CRY1: variants seen among roughly 807,000 people sequenced by gnomAD.
CRY1 encodes the protein cryptochrome-1.
Under a neutral mutation model 76.0 loss-of-function variants are expected in CRY1, and 45 were observed. The observed-to-expected ratio is 0.59, with a 90% CI of 0.47 to 0.76. The LOEUF is 0.76. Ranked by LOEUF, CRY1 falls within the 30% of genes least tolerant of loss-of-function variation. The probability of loss-of-function intolerance (pLI) is 0.00; values close to 1 mark genes in which losing one functional copy is unlikely to be tolerated. For missense variants in CRY1, 587 were observed against 716.4 expected (o/e 0.82, Z 2.06); for synonymous variants, 248 against 244.0 (o/e 1.02, Z -0.15).
chr12:107,065,631 TGTATA>T (rs1435871066), intron 1 of CRY1, among the ~76,000 whole-genome samples: 2 of 151,782 alleles, frequency 1.3e-5, no homozygotes, highest in African/African-American at 4.8e-5. Flanking sequence ...GGAATTTTGG[TGTATA>T]GAACAAAATA....
At chr12:107,080,452 AGAG>A (rs1192775414) in intron 1 of CRY1, among the ~76,000 whole-genome samples, 3 of 152,050 alleles carry the variant, frequency 2.0e-5, no homozygotes, top group Non-Finnish European at 2.9e-5. Context: ...GGACTTTATG[AGAG>A]GAGATAAGAT....
At chr12:107,085,293 C>T (rs944020156) in intron 1 of CRY1, among the ~76,000 whole-genome samples, 1 of 152,092 alleles carries the variant, frequency 6.6e-6, no homozygotes, top group South Asian at 2.1e-4. Flanking sequence ...TATCATTTGA[C>T]CCAGCAATCC....
At chr12:106,998,142 G>T in intron 7 of CRY1, 76 bp from the exon 8 acceptor site, 1 of 1,534,218 alleles carries the variant, frequency 6.5e-7, no homozygotes, top group Non-Finnish European at 8.9e-7. Flanking sequence ...TCACAGTAGA[G>T]CCAAAGTCAA....
chr12:107,078,688 T>C (rs1463631014), intron 1 of CRY1, among the ~76,000 whole-genome samples: 3 of 152,190 alleles, frequency 2.0e-5, no homozygotes, highest in Non-Finnish European at 4.4e-5. Flanking sequence ...CATGTTGATA[T>C]CTTAGCAGTG....
intron 5 of CRY1, among the ~76,000 whole-genome samples, chr12:107,000,484 C>T (rs1053757687): frequency 3.3e-5 from 5 of 151,594 alleles, no homozygotes; most frequent in African/African-American, 4.9e-5. Context: ...TGAGTAGCTG[C>T]GACTACAGGC....
Position 107,017,066 on chromosome 12 carries a change from T to C in CRY1, c.267+5018A>G, listed in dbSNP as rs1168532723. Among the ~76,000 whole-genome samples the C allele has an allele frequency of 4.6e-5, 7 of 152,236 alleles. No individual in the cohort carries two copies. In the East Asian group the frequency reaches 1.2e-3, roughly 25 times the overall value. On this transcript the variant is annotated intron_variant, in intron 2 of 12. Coordinates refer to ENST00000008527, the MANE Select transcript of CRY1 (RefSeq NM_004075.5). Reference sequence around the variant, plus strand: ...AACACTTCCAATCCCCTGTGTATTCTCCACAAACAGCCAGAGAAATTCTTG... The same window carrying C: ...AACACTTCCAATCCCCTGTGTATTCCCCACAAACAGCCAGAGAAATTCTTG...
At chr12:107,007,793 G>A (rs1012006644) in intron 2 of CRY1, among the ~76,000 whole-genome samples, 2 of 151,990 alleles carry the variant, frequency 1.3e-5, no homozygotes, top group East Asian at 3.9e-4. Flanking sequence ...GCCTCCCAAC[G>A]TGCTGGGATT....
At chr12:107,026,582 CA>C (rs972039033) in intron 1 of CRY1, among the ~76,000 whole-genome samples, 2 of 152,030 alleles carry the variant, frequency 1.3e-5, no homozygotes, top group African/African-American at 4.8e-5. Flanking sequence ...ATTTGGCAAA[CA>C]AATCTCATTA....
Position 107,088,966 on chromosome 12 carries a change from G to A in CRY1, c.158+3838C>T, listed in dbSNP as rs550965951. Among the ~76,000 whole-genome samples the A allele has an allele frequency of 5.9e-5, 9 of 152,326 alleles. No individual in the cohort carries two copies. The East Asian group carries it at 1.7e-3, about 29-fold the overall frequency. On this transcript the variant is annotated intron_variant, in intron 1 of 12. Coordinates refer to ENST00000008527, the MANE Select transcript of CRY1 (RefSeq NM_004075.5). Reference sequence around the variant, plus strand: ...TCCTCTCTCTATACATTTGCCCACTGTGGACATTCCATATAAACAGAATCA... The same window carrying A: ...TCCTCTCTCTATACATTTGCCCACTATGGACATTCCATATAAACAGAATCA...
chr12:106,992,867 G>C lies in CRY1; in HGVS notation c.1681C>G (p.Leu561Val), dbSNP rs754766857. The C allele has an allele frequency of 2.5e-6, 4 of 1,613,836 alleles. No individual in the cohort carries two copies. The East Asian group carries it at 6.7e-5, about 27-fold the overall frequency. ...KQGRSSMGTG[L>V]SGGKRPSQEE... is the part of the protein sequence containing the mutation. ...TGACTAGGACGTTTCCCACCACTGA[G>C]ACCAGTGCCCATGGAGCTTCTTCCT... is the stretch of plus-strand genomic sequence containing the variant. Residue 561 changes from leucine (L) to valine (V), a missense_variant, in exon 12 of 13, where the codon CTC (leucine) becomes GTC (valine). Physicochemically the swap from Leu to Val is conservative, Grantham distance 32 (BLOSUM62 1). Coordinates refer to ENST00000008527, the MANE Select transcript of CRY1 (RefSeq NM_004075.5).
intron 2 of CRY1, among the ~76,000 whole-genome samples, chr12:107,006,375 CAA>C (rs556688637): frequency 1.4e-5 from 2 of 142,402 alleles, no homozygotes; most frequent in African/African-American, 5.1e-5. Flanking sequence ...GGCTCCATCT[CAA>C]AAAAAAAAAA....
intron 10 of CRY1, 75 bp from the exon 11 acceptor site, chr12:106,993,111 C>T (rs1343457378): frequency 7.2e-7 from 1 of 1,392,836 alleles, no homozygotes; most frequent in East Asian, 2.3e-5. Context: ...TCTACAAATC[C>T]AACTTTTAGC....
At chr12:107,053,240 A>G (rs967311061) in intron 1 of CRY1, among the ~76,000 whole-genome samples, 62 of 152,270 alleles carry the variant, frequency 4.1e-4, no homozygotes, top group African/African-American at 1.5e-3. Context: ...ATTTTTAAAA[A>G]TGAAGTACAG....
At chr12:107,002,979 T>C (rs1268550027) in intron 3 of CRY1, among the ~76,000 whole-genome samples, 5 of 152,206 alleles carry the variant, frequency 3.3e-5, no homozygotes, top group South Asian at 4.1e-4. Flanking sequence ...AATCTTTCTT[T>C]TGTAAATTGC....
chr12:107,005,450 A>G (rs565349185), intron 2 of CRY1, among the ~76,000 whole-genome samples: 5 of 152,358 alleles, frequency 3.3e-5, no homozygotes, highest in Non-Finnish European at 4.4e-5. Context: ...TCTAGGCATT[A>G]TGCTAGGCAA....
At chr12:107,018,196 A>T (rs2136840653) in intron 2 of CRY1, among the ~76,000 whole-genome samples, 1 of 152,356 alleles carries the variant, frequency 6.6e-6, no homozygotes, top group East Asian at 1.9e-4. Flanking sequence ...TGGTGGCTTT[A>T]TATGTTCTTT....
intron 3 of CRY1, among the ~76,000 whole-genome samples, chr12:107,004,210 G>C (rs989849511): frequency 6.6e-6 from 1 of 152,144 alleles, no homozygotes; most frequent in Admixed American, 6.5e-5. Flanking sequence ...GCAAATTGGT[G>C]AGCTCGAAGG....
intron 1 of CRY1, among the ~76,000 whole-genome samples, chr12:107,076,634 A>C (rs528348578): frequency 0.016 from 2,388 of 148,324 alleles, 70 homozygotes; most frequent in African/African-American, 0.058. Flanking sequence ...AAAAAAAAAA[A>C]ACCTCTCTTT....
intron 1 of CRY1, among the ~76,000 whole-genome samples, chr12:107,025,543 G>A (rs1415791561): frequency 6.6e-6 from 1 of 152,114 alleles, no homozygotes. Flanking sequence ...TCTTAGAATA[G>A]TGCCTGCCCA....
Sources: gnomAD v4.1 joint callset for allele counts (sites outside exome capture counted in the v4.1 genomes callset) on GRCh38, gnomAD v4.1.1 for gene constraint, MANE v1.5 for transcripts, NCBI Gene and HGNC (gene_info 2026-07-23, HGNC 2026-07-21) for gene names.